Variants in SNX7 observed in about 807,000 individuals in gnomAD.
The protein encoded by SNX7 is sorting nexin-7.
SNX7 carries 35 observed loss-of-function variants against 48.4 expected under a neutral mutation model. The observed-to-expected ratio is 0.72, with a 90% CI of 0.55 to 0.96. The LOEUF (loss-of-function observed/expected upper bound fraction) is 0.96. SNX7 is among the 40% of genes least tolerant of loss of function. The pLI is 0.00. For synonymous variants in SNX7, 190 were observed against 190.2 expected, an observed-to-expected ratio of 1.00 and a Z score of 0.01; for missense variants, 553 against 548.9, an observed-to-expected ratio of 1.01 and a Z score of -0.07.
chr1:98,740,128 T>C (rs986266138), intron 8 of SNX7, among the ~76,000 whole-genome samples: 2 of 152,186 alleles, frequency 1.3e-5, no homozygotes, highest in Non-Finnish European at 2.9e-5. Context: ...TCATTTTCTA[T>C]CTCTCCATAA....
At chr1:98,720,841 C>T (rs1009833507) in intron 7 of SNX7, among the ~76,000 whole-genome samples, 3 of 151,744 alleles carry the variant, frequency 2.0e-5, no homozygotes, top group African/African-American at 7.3e-5. Context: ...TTTGGTTGAT[C>T]GAATCAAAGA....
intron 8 of SNX7, among the ~76,000 whole-genome samples, chr1:98,741,261 G>A (rs1454910987): frequency 6.6e-6 from 1 of 152,170 alleles, no homozygotes; most frequent in African/African-American, 2.4e-5. Flanking sequence ...TCTGGTCACA[G>A]ATTGTTTAGA....
chr1:98,726,671 T>C (rs931027561), intron 7 of SNX7, among the ~76,000 whole-genome samples: 1 of 152,226 alleles, frequency 6.6e-6, no homozygotes, highest in African/African-American at 2.4e-5. Flanking sequence ...TTTTTTTGGA[T>C]CTAGATTGTC....
At chr1:98,667,554 G>A (rs1036904248) in intron 1 of SNX7, among the ~76,000 whole-genome samples, 24 of 147,458 alleles carry the variant, frequency 1.6e-4, no homozygotes, top group Non-Finnish European at 6.0e-5. Context: ...TTTTTTTTTT[G>A]TATTTTTAGT....
chr1:98,742,511 A>G (rs780559112), intron 8 of SNX7, among the ~76,000 whole-genome samples: 12 of 152,124 alleles, frequency 7.9e-5, no homozygotes, highest in Non-Finnish European at 1.8e-4. Flanking sequence ...ATAAAGGAAT[A>G]TAGTTTATTC....
chr1:98,744,205 GTAAAGTAGCTT>G (rs1654207449), intron 8 of SNX7, among the ~76,000 whole-genome samples: 1 of 152,034 alleles, frequency 6.6e-6, no homozygotes, highest in South Asian at 2.1e-4. Flanking sequence ...CTAGAATTTA[GTAAAGTAGCTT>G]AAAAAATTAG....
Position 98,760,161 on chromosome 1 carries a change from G to C in SNX7, c.*30G>C. The C allele has an allele frequency of 6.7e-7, 1 of 1,501,622 alleles. No individual in the cohort carries two copies. The highest frequency in any genetic ancestry group is 9.3e-7 in the Non-Finnish European group (1 of 1,078,670). The allele number at this position is 1,501,622 out of a possible 1,614,324, so 93.0% of individuals were successfully genotyped here. A position where few individuals can be genotyped will look rare whatever the true frequency, so the allele number is the denominator to read the frequency against. On this transcript the variant is annotated 3_prime_UTR_variant, in exon 9 of 9. Transcript: ENST00000306121. The stretch of plus-strand genomic sequence containing the variant: ...ATTGAGGACTTCTGTTTGATCTTTG[G>C]GAGACAGCATTTATTAACCAAAGTT...
chr1:98,742,620 T>G (rs941762793), intron 8 of SNX7, among the ~76,000 whole-genome samples: 1 of 152,122 alleles, frequency 6.6e-6, no homozygotes, highest in Admixed American at 6.6e-5. Context: ...TTATCTTATT[T>G]TTCTGGTTAT....
At chr1:98,729,127 A>G (rs559135663) in intron 7 of SNX7, among the ~76,000 whole-genome samples, 1 of 152,208 alleles carries the variant, frequency 6.6e-6, no homozygotes, top group Non-Finnish European at 1.5e-5. Flanking sequence ...AGAACTCAAG[A>G]CTAAGAAGCT....
chr1:98,694,799 G>A (rs1206363975), intron 4 of SNX7, among the ~76,000 whole-genome samples: 5 of 151,042 alleles, frequency 3.3e-5, no homozygotes, highest in Admixed American at 1.3e-4. Flanking sequence ...TAGTAGAGAG[G>A]GAGTTTCACC....
At chr1:98,665,870 G>A (rs1356780145) in intron 1 of SNX7, among the ~76,000 whole-genome samples, 1 of 152,134 alleles carries the variant, frequency 6.6e-6, no homozygotes, top group Admixed American at 6.6e-5. Flanking sequence ...GATTACAGGC[G>A]TGAGCCACCG....
intron 7 of SNX7, among the ~76,000 whole-genome samples, chr1:98,737,122 T>C (rs1653821517): frequency 6.6e-6 from 1 of 152,030 alleles, no homozygotes; most frequent in South Asian, 2.1e-4. Context: ...GGTCTTTCCG[T>C]TCTTAAATCA....
At chr1:98,685,227 C>T (rs1320579703) in intron 2 of SNX7, among the ~76,000 whole-genome samples, 160 bp downstream of exon 2, 1 of 151,964 alleles carries the variant, frequency 6.6e-6, no homozygotes, top group Admixed American at 6.6e-5. Context: ...TCTTATCTGC[C>T]CTTCACTTGT....
At chr1:98,684,624 T>A (rs1650685491) in intron 1 of SNX7, among the ~76,000 whole-genome samples, 1 of 152,178 alleles carries the variant, frequency 6.6e-6, no homozygotes, top group South Asian at 2.1e-4. Flanking sequence ...ACATGACATT[T>A]GGAGGGAACA....
chr1:98,692,003 G>A (rs1409449506), intron 4 of SNX7, among the ~76,000 whole-genome samples: 1 of 146,512 alleles, frequency 6.8e-6, no homozygotes, highest in African/African-American at 2.5e-5. Context: ...TGCATAAATA[G>A]CAAATACTGA....
chr1:98,697,308 CT>C (rs199913124), intron 5 of SNX7, among the ~76,000 whole-genome samples: 3,190 of 152,016 alleles, frequency 0.021, 58 homozygotes, highest in Non-Finnish European at 0.034. Flanking sequence ...TATTTTTAAA[CT>C]TTTTATTTAA....
intron 7 of SNX7, among the ~76,000 whole-genome samples, chr1:98,724,123 T>C (rs934618157): frequency 2.0e-5 from 3 of 152,194 alleles, no homozygotes; most frequent in African/African-American, 7.2e-5. Context: ...TCCTATTTGA[T>C]GAGAGTTGAT....
At position 98,760,036 on chromosome 1, in the gene SNX7, T is replaced by C. The variant is rs374753780; in HGVS notation, c.1279-18T>C. 8 of 1,505,780 alleles carry C rather than the reference T, an allele frequency of 5.3e-6. No homozygotes were observed. Among genetic ancestry groups the C allele is most frequent in the Non-Finnish European group, 7.4e-6 (8 of 1,081,620 alleles). 93.3% of individuals were successfully genotyped at this position (1,505,780 alleles called of 1,614,324 possible). A position where few individuals can be genotyped will look rare whatever the true frequency, so the allele number is the denominator to read the frequency against. ...TAAACTATTGTTGATTGCCTCATGG[T>C]GTGTTTCCATTATTCAGTGCCTTGC... is the stretch of plus-strand genomic sequence containing the variant. On this transcript the variant is annotated intron_variant, in intron 8 of 8. Coordinates refer to ENST00000306121, the MANE Select transcript of SNX7 (RefSeq NM_015976.5).
chr1:98,704,320 A>G (rs1651908331), intron 7 of SNX7, among the ~76,000 whole-genome samples: 2 of 152,218 alleles, frequency 1.3e-5, no homozygotes, highest in Admixed American at 1.3e-4. Context: ...ATTAAGTTTC[A>G]AAACAGACAC....
Sources: allele counts gnomAD v4.1 joint callset (sites outside exome capture counted in the v4.1 genomes callset), GRCh38; gene constraint gnomAD v4.1.1; transcripts MANE v1.5; gene names NCBI Gene and HGNC (gene_info 2026-07-23, HGNC 2026-07-21).